Variants in GRID2 observed in about 807,000 individuals in gnomAD.
The protein encoded by GRID2 is glutamate ionotropic receptor delta type subunit 2.
A neutral mutation model predicts 114.8 loss-of-function variants in GRID2; 33 were observed. That is an observed-to-expected ratio of 0.29 (90% CI 0.22 to 0.38). The LOEUF (loss-of-function observed/expected upper bound fraction) is 0.38, where lower values mean the gene tolerates loss of function less well. Among genes scored for constraint, GRID2 ranks in the 10% least tolerant of loss-of-function variants. GRID2 has a pLI of 1.00. For missense variants in GRID2, 1,184 were observed against 1,257.7 expected (o/e 0.94, Z 0.89); for synonymous variants, 505 against 449.9 (o/e 1.12, Z -1.55).
Position 93,253,683 on chromosome 4 carries a change from G to A in GRID2, c.1245+15193G>A, listed in dbSNP as rs151103164. On this transcript the variant is annotated intron_variant, in intron 8 of 15. Transcript: ENST00000282020. Reference sequence around the variant, plus strand: ...AAATTAATCCATGTCTGTAGTTTCCGTAAGAGCATAAGTGAACACACACAT... The same window carrying A: ...AAATTAATCCATGTCTGTAGTTTCCATAAGAGCATAAGTGAACACACACAT... Among the ~76,000 whole-genome samples the A allele has an allele frequency of 1.6e-3, 239 of 152,156 alleles. 1 individual carries two copies. The highest frequency in any genetic ancestry group is 5.4e-3 in the African/African-American group (225 of 41,534).
chr4:92,572,395 A>T (rs1031585565), intron 1 of GRID2, among the ~76,000 whole-genome samples: 1 of 147,976 alleles, frequency 6.8e-6, no homozygotes, highest in Non-Finnish European at 1.5e-5. Context: ...AATAATTAAT[A>T]GCTTACCAAT....
chr4:93,569,441 C>G (rs1735732429), intron 13 of GRID2, among the ~76,000 whole-genome samples: 1 of 152,184 alleles, frequency 6.6e-6, no homozygotes, highest in Non-Finnish European at 1.5e-5. Context: ...ATCACCAAAT[C>G]CAGTGCTACA....
At chr4:93,255,855 A>T (rs2149539073) in intron 8 of GRID2, among the ~76,000 whole-genome samples, 1 of 152,228 alleles carries the variant, frequency 6.6e-6, no homozygotes, top group African/African-American at 2.4e-5. Flanking sequence ...AGTCTCAGGT[A>T]TCCTATTAGA....
In GRID2 at chr4:93,671,594, G is replaced by A. The variant is rs749071627; in HGVS notation, c.2360+45159G>A. Reference sequence around the variant, plus strand: ...GTGATAATTTCTATCTACCTCACAGGGATGTTTGTCAAAAGTCAATGAGAT... The same window carrying A: ...GTGATAATTTCTATCTACCTCACAGAGATGTTTGTCAAAAGTCAATGAGAT... On this transcript the variant is annotated intron_variant, in intron 14 of 15. Coordinates refer to ENST00000282020, the MANE Select transcript of GRID2 (RefSeq NM_001510.4). Among the ~76,000 whole-genome samples the A allele has an allele frequency of 3.0e-4, 46 of 152,186 alleles. 1 individual carries two copies. The highest frequency in any genetic ancestry group is 5.9e-4 in the Admixed American group (9 of 15,294).
intron 2 of GRID2, among the ~76,000 whole-genome samples, chr4:92,719,432 A>G (rs559155279): frequency 6.6e-6 from 1 of 152,296 alleles, no homozygotes; most frequent in South Asian, 2.1e-4. Flanking sequence ...ATTAAATGCT[A>G]CAATGGTTTA....
At chr4:92,879,230 A>T (rs906218024) in intron 2 of GRID2, among the ~76,000 whole-genome samples, 6 of 152,182 alleles carry the variant, frequency 3.9e-5, no homozygotes, top group African/African-American at 1.4e-4. Context: ...AGGAGGTATG[A>T]GGGTATTGAT....
chr4:92,692,609 C>T (rs1200986559), intron 2 of GRID2, among the ~76,000 whole-genome samples: 1 of 151,894 alleles, frequency 6.6e-6, no homozygotes, highest in African/African-American at 2.4e-5. Context: ...AGTTTTAAAC[C>T]AGTATTGGGA....
At position 93,224,707 on chromosome 4, in the gene GRID2, C is replaced by A. The variant is rs781512821; in HGVS notation, c.1057C>A (p.Leu353Met). The A allele has an allele frequency of 6.2e-7, 1 of 1,611,584 alleles. No individual in the cohort carries two copies. The highest frequency in any genetic ancestry group is 1.7e-5 in the Admixed American group (1 of 59,914). Residue 353 changes from leucine (L) to methionine (M), a missense_variant, in exon 7 of 16, where the codon CTG (leucine) becomes ATG (methionine). This residue lies in a region of GRID2 where 12 missense variants were observed against 31.3 expected (regional missense o/e 0.38). Transcript: ENST00000282020. Reference sequence around the variant, plus strand: ...CCGAAAGTGGCACAGCATGGCAAGTCTGTCATGTATCAGAAAGAACTCAAA... The same window carrying A: ...CCGAAAGTGGCACAGCATGGCAAGTATGTCATGTATCAGAAAGAACTCAAA... ...EDRKWHSMAS[L>M]SCIRKNSKPW...
At position 93,660,091 on chromosome 4, in the gene GRID2, C is replaced by T. The variant is rs561134762; in HGVS notation, c.2360+33656C>T. Reference sequence around the variant, plus strand: ...TTATAGAAGAAGACTTAAATAATTACAGTTGAATTTAAGAACATTATCCAT... The same window carrying T: ...TTATAGAAGAAGACTTAAATAATTATAGTTGAATTTAAGAACATTATCCAT... On this transcript the variant is annotated intron_variant, in intron 14 of 15. Transcript: ENST00000282020. Among the ~76,000 whole-genome samples, 221 of 151,562 alleles carry T rather than the reference C, an allele frequency of 1.5e-3. 2 individuals are homozygous for T. The highest frequency in any genetic ancestry group is 5.0e-3 in the African/African-American group (206 of 41,282).
intron 4 of GRID2, among the ~76,000 whole-genome samples, chr4:93,172,075 C>A (rs916265550): frequency 3.3e-5 from 5 of 152,156 alleles, no homozygotes; most frequent in Non-Finnish European, 5.9e-5. Flanking sequence ...CCATGATATC[C>A]TTCCTGACCT....
chr4:92,427,141 G>T (rs1253506043), intron 1 of GRID2, among the ~76,000 whole-genome samples: 1 of 152,034 alleles, frequency 6.6e-6, no homozygotes, highest in East Asian at 1.9e-4. Context: ...CTCTGATCCG[G>T]CTCAAAATAT....
intron 2 of GRID2, among the ~76,000 whole-genome samples, chr4:92,599,028 C>CTTTTTTTT (rs79836874): frequency 5.2e-5 from 6 of 115,286 alleles, no homozygotes; most frequent in African/African-American, 1.4e-4. Context: ...AATGCTTTTC[C>CTTTTTTTT]TTTTTTTTTT....
chr4:92,637,501 G>A (rs535396560), intron 2 of GRID2, among the ~76,000 whole-genome samples: 3 of 152,074 alleles, frequency 2.0e-5, no homozygotes, highest in Admixed American at 6.6e-5. Flanking sequence ...CCTTATAAAG[G>A]ACCACATAAC....
chr4:93,432,073 A>T (rs1169860364), intron 10 of GRID2, among the ~76,000 whole-genome samples: 1 of 152,224 alleles, frequency 6.6e-6, no homozygotes, highest in Admixed American at 6.5e-5. Context: ...ATTATGTAAC[A>T]GTCTACAGGA....
intron 14 of GRID2, among the ~76,000 whole-genome samples, chr4:93,737,325 T>A (rs1298425598): frequency 6.6e-6 from 1 of 152,070 alleles, no homozygotes; most frequent in Non-Finnish European, 1.5e-5. Flanking sequence ...AGAAAGAGGA[T>A]AAAGTAGATT....
At chr4:93,703,716 A>G (rs559660234) in intron 14 of GRID2, among the ~76,000 whole-genome samples, 86 of 139,062 alleles carry the variant, frequency 6.2e-4, no homozygotes, top group African/African-American at 2.2e-3. Context: ...TCATTGTTCA[A>G]TTCCCACCTA....
intron 2 of GRID2, among the ~76,000 whole-genome samples, chr4:92,719,890 A>G (rs1400881215): frequency 6.6e-6 from 1 of 152,158 alleles, no homozygotes; most frequent in Non-Finnish European, 1.5e-5. Flanking sequence ...TTCTAAGTCA[A>G]GGATACTAGC....
intron 1 of GRID2, among the ~76,000 whole-genome samples, chr4:92,464,571 C>CA (rs1721655431): frequency 6.6e-6 from 1 of 151,720 alleles, no homozygotes; most frequent in South Asian, 2.1e-4. Flanking sequence ...TTAAGACTTT[C>CA]AAAAATCCTT....
At chr4:92,869,244 A>G (rs932183264) in intron 2 of GRID2, among the ~76,000 whole-genome samples, 5 of 152,224 alleles carry the variant, frequency 3.3e-5, no homozygotes, top group African/African-American at 4.8e-5. Flanking sequence ...ATTTATAGCA[A>G]TATAACGAGT....
Sources: allele counts gnomAD v4.1 joint callset (sites outside exome capture counted in the v4.1 genomes callset), GRCh38; gene constraint gnomAD v4.1.1; regional missense constraint gnomAD v4.1.1; transcripts MANE v1.5; gene names NCBI Gene and HGNC (gene_info 2026-07-23, HGNC 2026-07-21).